The following XIRP1 variants were observed in gnomAD, a reference collection of about 807,000 sequenced individuals.
XIRP1 encodes xin actin binding repeat containing 1, also known as xin actin-binding repeat-containing protein 1.
For missense variants in XIRP1, 2,378 were observed against 2,345.4 expected, an observed-to-expected ratio of 1.01 and a Z score of -0.29; for synonymous variants, 984 against 947.0, an observed-to-expected ratio of 1.04 and a Z score of -0.72.
Position 39,186,035 on chromosome 3 carries a change from T to G in XIRP1, c.3411A>C (p.Thr1137=). 2 of 1,613,656 alleles carry G rather than the reference T, an allele frequency of 1.2e-6. No homozygotes were observed. Among genetic ancestry groups the G allele is most frequent in the Non-Finnish European group, 1.7e-6 (2 of 1,179,830 alleles). The change falls in exon 2 of 2, where the codon ACA becomes ACC. Residue 1137 remains threonine (T), a synonymous_variant. Transcript: ENST00000340369. Reference sequence around the variant, plus strand: ...GAGCGGTGTAGATGCCATCCTGAATTGTCACCCACCCCCCAGGCAGCCCTC... The same window carrying G: ...GAGCGGTGTAGATGCCATCCTGAATGGTCACCCACCCCCCAGGCAGCCCTC... ...LPRGLPGGWV[T]IQDGIYTAHP... is the part of the protein sequence containing the mutation.
Position 39,185,591 on chromosome 3 carries a change from C to A in XIRP1, c.3855G>T (p.Glu1285Asp). 6.2e-7 allele frequency: 1 copy of A among 1,600,372 alleles called. No homozygotes were observed. The highest frequency in any genetic ancestry group is 8.5e-7 in the Non-Finnish European group (1 of 1,172,328). The change falls in exon 2 of 2, where the codon GAG (glutamate) becomes GAT (aspartate). Residue 1285 changes from glutamate to aspartate, a missense_variant. Glu to Asp is a conservative substitution (Grantham distance 45, BLOSUM62 2). Coordinates refer to ENST00000340369, the MANE Select transcript of XIRP1 (RefSeq NM_194293.4). The stretch of plus-strand genomic sequence containing the variant: ...AGTGAAGAAGGGGGTCCTTCAGGGG[C>A]TCAGAGGCTTGCTGGATGGAGTCCT... The part of the protein sequence containing the change: ...RAEDSIQQAS[E>D]PLKDPLLHSH...
Position 39,192,092 on chromosome 3 carries a change from C to T in XIRP1, c.-81+354G>A, listed in dbSNP as rs563832744. 9.5e-4 allele frequency among the ~76,000 whole-genome samples: 145 copies of T among 152,370 alleles called. No homozygotes were observed. The South Asian group carries it at 0.013, about 14-fold the overall frequency. On this transcript the variant is annotated intron_variant, in intron 1 of 1. Transcript: ENST00000340369. ...TTCCTCCTTCCTCCAGATCCTGGGC[C>T]TGCCTGAAGCTTCCCTGGGAGGAAG...
chr3:39,189,072 G>T lies in XIRP1; in HGVS notation c.374C>A (p.Ala125Asp), dbSNP rs2040045187. 6.2e-7 allele frequency: 1 copy of T among 1,614,018 alleles called. No individual in the cohort carries two copies. Among genetic ancestry groups the T allele is most frequent in the Non-Finnish European group, 8.5e-7 (1 of 1,180,054 alleles). Residue 125 changes from alanine (A) to aspartate (D), a missense_variant, in exon 2 of 2, where the codon GCC becomes GAC. Physicochemically the swap from Ala to Asp is moderately radical, Grantham distance 126. Coordinates refer to ENST00000340369, the MANE Select transcript of XIRP1 (RefSeq NM_194293.4). ...KEPVLCGDVQ[A>D]TSRKFEEGSF... The stretch of plus-strand genomic sequence containing the variant: ...GCCTTCCTCAAACTTGCGGGAGGTG[G>T]CCTGGACGTCACCACACAGCACGGG...
At position 39,188,881 on chromosome 3, in the gene XIRP1, GCA is replaced by G; in HGVS notation, c.563_564del (p.Val188AlafsTer8). On this transcript the variant is annotated frameshift_variant, in exon 2 of 2. Transcript: ENST00000340369. LOFTEE classifies it low-confidence loss of function (END_TRUNC). ...TVREPAASGD[V>X]QGTRMLFETR... ...GTCTCAAAGAGCATCCTGGTACCCT[GCA>G]CATCTCCGCTGGCTGCAGGCTCCCT... 1 of 1,612,842 alleles carries G rather than the reference GCA, an allele frequency of 6.2e-7. No individual in the cohort carries two copies. The highest frequency in any genetic ancestry group is 8.5e-7 in the Non-Finnish European group (1 of 1,180,022).
rs1398746109 is a variant in XIRP1 at position 39,185,596 on chromosome 3, A to G, written c.3850T>C (p.Ser1284Pro). The G allele has an allele frequency of 6.2e-7, 1 of 1,602,606 alleles. No individual in the cohort carries two copies. The highest frequency in any genetic ancestry group is 1.7e-5 in the Admixed American group (1 of 58,744). The stretch of plus-strand genomic sequence containing the variant: ...AGAAGGGGGTCCTTCAGGGGCTCAG[A>G]GGCTTGCTGGATGGAGTCCTCAGCA... ...HRAEDSIQQA[S>P]EPLKDPLLHS... Residue 1284 changes from serine to proline, a missense_variant, in exon 2 of 2, where the codon TCT (serine) becomes CCT (proline). Transcript: ENST00000340369.
chr3:39,187,451 G>A lies in XIRP1; in HGVS notation c.1995C>T (p.Thr665=), dbSNP rs751711655. The A allele has an allele frequency of 1.7e-5, 28 of 1,613,962 alleles. No individual in the cohort carries two copies. The highest frequency in any genetic ancestry group is 5.3e-5 in the African/African-American group (4 of 74,934). The change falls in exon 2 of 2, where the codon ACC becomes ACT. Residue 665 remains threonine, a synonymous_variant. Coordinates refer to ENST00000340369, the MANE Select transcript of XIRP1 (RefSeq NM_194293.4). ...ERQTDRHVFE[T]EPLQASGRPC... ...GACGGCCTGAGGCCTGAAGAGGCTC[G>A]GTCTCAAAGACGTGTCTGTCTGTCT...
Position 39,185,105 on chromosome 3 carries a change from C to T in XIRP1, c.4341G>A (p.Glu1447=). 1.3e-6 allele frequency: 2 copies of T among 1,543,178 alleles called. No individual in the cohort carries two copies. The highest frequency in any genetic ancestry group is 1.7e-6 in the Non-Finnish European group (2 of 1,148,478). Residue 1447 remains glutamate, a synonymous_variant, in exon 2 of 2, where the codon GAG becomes GAA. Coordinates refer to ENST00000340369, the MANE Select transcript of XIRP1 (RefSeq NM_194293.4). ...CTTGGTGGGAACCTTCCATGGGCTG[C>T]TCTCCTGAGGGGCCGGGGCCCCACT... ...SPQWGPGPSG[E]QPMEGSHQGA...
chr3:39,185,345 A>C lies in XIRP1; in HGVS notation c.4101T>G (p.Asp1367Glu). The C allele has an allele frequency of 6.2e-7, 1 of 1,614,140 alleles. No homozygotes were observed. Among genetic ancestry groups the C allele is most frequent in the Non-Finnish European group, 8.5e-7 (1 of 1,180,024 alleles). Residue 1367 changes from aspartate to glutamate, a missense_variant, in exon 2 of 2, where the codon GAT becomes GAG. Physicochemically the swap from Asp to Glu is conservative, Grantham distance 45. Transcript: ENST00000340369. ...GQREHQRGER[D>E]TAIPQPAKVP... is the part of the protein sequence containing the mutation. ...CCTTGGCTGGCTGAGGGATGGCTGT[A>C]TCTCTCTCACCTCGTTGGTGTTCTC...
Position 39,185,538 on chromosome 3 carries a change from G to A in XIRP1, c.3908C>T (p.Thr1303Ile), listed in dbSNP as rs997205778. Residue 1303 changes from threonine (T) to isoleucine (I), a missense_variant, in exon 2 of 2, where the codon ACC (threonine) becomes ATC (isoleucine). Coordinates refer to ENST00000340369, the MANE Select transcript of XIRP1 (RefSeq NM_194293.4). Reference protein sequence around the residue: ...HSHSSPAGQRTPGGSQTKTPK... With the variant: ...HSHSSPAGQRIPGGSQTKTPK... ...GGTCTTTGTCTGTGACCCTCCAGGG[G>A]TTCTCTGGCCAGCAGGGCTGCTGTG... 2 of 1,561,938 alleles carry A rather than the reference G, an allele frequency of 1.3e-6. No individual in the cohort carries two copies. Among genetic ancestry groups the A allele is most frequent in the African/African-American group, 2.7e-5 (2 of 73,138 alleles).
intron 1 of XIRP1, among the ~76,000 whole-genome samples, chr3:39,190,860 C>G (rs2040076814): frequency 6.6e-6 from 1 of 152,190 alleles, no homozygotes; most frequent in Admixed American, 6.5e-5. Context: ...AACAGCAGCC[C>G]TGGGCTCAGA....
At position 39,188,485 on chromosome 3, in the gene XIRP1, C is replaced by G; in HGVS notation, c.961G>C (p.Glu321Gln). ...AAGTCCTTCTCATCTACCAAGATCT[C>G]CCGGATGGCATCCAGGGGCTGTGTC... Reference protein sequence around the residue: ...FETQPLDAIREILVDEKDFQP... With the variant: ...FETQPLDAIRQILVDEKDFQP... The change falls in exon 2 of 2, where the codon GAG becomes CAG. Residue 321 changes from glutamate (E) to glutamine (Q), a missense_variant. Physicochemically the swap from Glu to Gln is conservative, Grantham distance 29. Transcript: ENST00000340369. The G allele has an allele frequency of 6.2e-7, 1 of 1,602,952 alleles. No homozygotes were observed. The highest frequency in any genetic ancestry group is 8.5e-7 in the Non-Finnish European group (1 of 1,172,070).
chr3:39,188,318 A>G lies in XIRP1; in HGVS notation c.1128T>C (p.Gly376=). The G allele has an allele frequency of 6.2e-7, 1 of 1,614,018 alleles. No individual in the cohort carries two copies. ...EAPPKEEVVP[G]DVRSTLWLFE... is the part of the protein sequence containing the mutation. ...ATAGCCACAGGGTGGAGCGGACATC[A>G]CCAGGGACCACTTCCTCCTTGGGTG... Residue 376 remains glycine, a synonymous_variant, in exon 2 of 2, where the codon GGT becomes GGC. Transcript: ENST00000340369.
In XIRP1 at chr3:39,188,477, C is replaced by A; in HGVS notation, c.969G>T (p.Leu323Phe). The A allele has an allele frequency of 6.2e-7, 1 of 1,602,118 alleles. No homozygotes were observed. The highest frequency in any genetic ancestry group is 2.2e-5 in the East Asian group (1 of 44,618). Reference sequence around the variant, plus strand: ...ATGGCTGGAAGTCCTTCTCATCTACCAAGATCTCCCGGATGGCATCCAGGG... The same window carrying A: ...ATGGCTGGAAGTCCTTCTCATCTACAAAGATCTCCCGGATGGCATCCAGGG... ...TQPLDAIREI[L>F]VDEKDFQPSP... The change falls in exon 2 of 2, where the codon TTG becomes TTT. Residue 323 changes from leucine (L) to phenylalanine (F), a missense_variant. Transcript: ENST00000340369.
In XIRP1 at chr3:39,186,905, C is replaced by A. The variant is rs770758701; in HGVS notation, c.2541G>T (p.Val847=). ...GGAGCTGGCCAGTTGGGTCTTCCTG[C>A]ACCAGCAGCCCCTGCTGGTCCACAT... is the stretch of plus-strand genomic sequence containing the variant. ...RPDVDQQGLL[V]QEDPTGQLQL... The change falls in exon 2 of 2, where the codon GTG becomes GTT. Residue 847 remains valine, a synonymous_variant. Coordinates refer to ENST00000340369, the MANE Select transcript of XIRP1 (RefSeq NM_194293.4). The A allele has an allele frequency of 6.2e-7, 1 of 1,613,942 alleles. No individual in the cohort carries two copies. The highest frequency in any genetic ancestry group is 1.1e-5 in the South Asian group (1 of 91,082).
Position 39,186,443 on chromosome 3 carries a change from T to C in XIRP1, c.3003A>G (p.Ala1001=). ...TPCPPQAIGK[A]VPLAGEAAAP... is the part of the protein sequence containing the mutation. ...CTGCAGCTTCCCCAGCCAGAGGGAC[T>C]GCCTTTCCAATGGCCTGAGGAGGGC... Residue 1001 remains alanine, a synonymous_variant, in exon 2 of 2, where the codon GCA becomes GCG. Coordinates refer to ENST00000340369, the MANE Select transcript of XIRP1 (RefSeq NM_194293.4). 1 of 1,614,204 alleles carries C rather than the reference T, an allele frequency of 6.2e-7. No individual in the cohort carries two copies. Among genetic ancestry groups the C allele is most frequent in the East Asian group, 2.2e-5 (1 of 44,880 alleles).
chr3:39,187,413 C>A lies in XIRP1; in HGVS notation c.2033G>T (p.Arg678Leu), dbSNP rs143151548. 8 of 1,614,090 alleles carry A rather than the reference C, an allele frequency of 5.0e-6. No homozygotes were observed. The highest frequency in any genetic ancestry group is 1.3e-5 in the African/African-American group (1 of 74,934). The change falls in exon 2 of 2, where the codon CGG becomes CTG. Residue 678 changes from arginine (R) to leucine (L), a missense_variant. Physicochemically the swap from Arg to Leu is moderately radical, Grantham distance 102. Coordinates refer to ENST00000340369, the MANE Select transcript of XIRP1 (RefSeq NM_194293.4). ...LQASGRPCGR[R>L]PVRYCSRVEI... ...CACGCGGCTGCAGTATCTCACAGGC[C>A]GTCTTCCACAGGGACGGCCTGAGGC...
chr3:39,188,184 G>A lies in XIRP1; in HGVS notation c.1262C>T (p.Ala421Val). ...EGHLSSDSSS[A>V]LPFSQSAPQR... is the part of the protein sequence containing the mutation. ...GGGGGCACTCTGAGAGAAGGGCAGT[G>A]CTGAGGAGCTGTCACTGGATAGATG... is the stretch of plus-strand genomic sequence containing the variant. The change falls in exon 2 of 2, where the codon GCA becomes GTA. Residue 421 changes from alanine to valine, a missense_variant. Ala to Val is a moderately conservative substitution (Grantham distance 64, BLOSUM62 0). Transcript: ENST00000340369. The A allele has an allele frequency of 6.2e-7, 1 of 1,614,198 alleles. No homozygotes were observed. Among genetic ancestry groups the A allele is most frequent in the Admixed American group, 1.7e-5 (1 of 60,034 alleles).
Position 39,186,464 on chromosome 3 carries a change from A to G in XIRP1, c.2982T>C (p.Pro994=). The G allele has an allele frequency of 6.2e-7, 1 of 1,613,946 alleles. No homozygotes were observed. The highest frequency in any genetic ancestry group is 1.3e-5 in the African/African-American group (1 of 74,978). The change falls in exon 2 of 2, where the codon CCT becomes CCC. Residue 994 remains proline, a synonymous_variant. Transcript: ENST00000340369. ...GGACTGCCTTTCCAATGGCCTGAGGAGGGCAAGGGGTGGCCCCTGAGGCTC... is the reference window on the plus strand; with the variant it reads ...GGACTGCCTTTCCAATGGCCTGAGGGGGGCAAGGGGTGGCCCCTGAGGCTC... ...HLRASGATPC[P]PQAIGKAVPL...
In XIRP1 at chr3:39,185,925, G is replaced by A; in HGVS notation, c.3521C>T (p.Ser1174Leu). The change falls in exon 2 of 2, where the codon TCA becomes TTA. Residue 1174 changes from serine to leucine, a missense_variant. Transcript: ENST00000340369. Reference sequence around the variant, plus strand: ...CTGGAGTGGGCGGGGAGCCTGGACTGAGAGGGCAGTCTCCCTGTGCCTTGA... The same window carrying A: ...CTGGAGTGGGCGGGGAGCCTGGACTAAGAGGGCAGTCTCCCTGTGCCTTGA... ...PQSRHRETAL[S>L]VQAPRPLQGG... 6.2e-7 allele frequency: 1 copy of A among 1,613,954 alleles called. No homozygotes were observed. The highest frequency in any genetic ancestry group is 8.5e-7 in the Non-Finnish European group (1 of 1,179,910).
Sources: gnomAD v4.1 joint callset for allele counts (sites outside exome capture counted in the v4.1 genomes callset) on GRCh38, gnomAD v4.1.1 for gene constraint, MANE v1.5 for transcripts, NCBI Gene and HGNC (gene_info 2026-07-23, HGNC 2026-07-21) for gene names.